ILDR1: variants seen among roughly 807,000 people sequenced by gnomAD.
The protein encoded by ILDR1 is immunoglobulin-like domain-containing receptor 1.
In ILDR1, 56 loss-of-function variants were observed where a neutral mutation model predicts 62.4. The observed-to-expected ratio is 0.90, with a 90% CI of 0.72 to 1.12. The LOEUF (loss-of-function observed/expected upper bound fraction) is 1.12, where lower values mean the gene tolerates loss of function less well. ILDR1 is among the 50% of genes most tolerant of loss of function. The pLI, the probability that ILDR1 is intolerant of heterozygous loss-of-function variation, is 0.00. For synonymous variants in ILDR1, 284 were observed against 277.8 expected (o/e 1.02, Z -0.22); for missense variants, 736 against 710.6 (o/e 1.04, Z -0.41).
chr3:122,047,249 A>G, the ILDR1 span, among the ~76,000 whole-genome samples: 9 of 151,764 alleles, frequency 5.9e-5, no homozygotes, highest in African/African-American at 2.2e-4. Flanking sequence ...GGGGTCAGGG[A>G]CCCACTTGAG....
the ILDR1 span, chr3:122,055,484 G>A: frequency 6.2e-7 from 1 of 1,614,052 alleles, no homozygotes; most frequent in African/African-American, 1.3e-5. Context: ...AGCAGAAGCA[G>A]CCAAAATGGA....
At chr3:122,001,970 CA>C (rs2071534766) in intron 3 of ILDR1, 106 bp from the exon 4 acceptor site, 2 of 1,305,072 alleles carry the variant, frequency 1.5e-6, no homozygotes, top group Non-Finnish European at 1.1e-6. Context: ...CTTGTATTTA[CA>C]AAAAATAATA....
intron 5 of ILDR1, among the ~76,000 whole-genome samples, chr3:122,001,000 C>T (rs2071515412): frequency 6.6e-6 from 1 of 152,154 alleles, no homozygotes; most frequent in Admixed American, 6.5e-5. Flanking sequence ...TAAATGAGGT[C>T]AGTGCTAGGA....
At chr3:122,028,247 A>C in the ILDR1 span, among the ~76,000 whole-genome samples, 1 of 150,960 alleles carries the variant, frequency 6.6e-6, no homozygotes, top group Non-Finnish European at 1.5e-5. Context: ...GAGGCAGGAG[A>C]ATGGCGTGAA....
chr3:122,029,795 A>G, the ILDR1 span, among the ~76,000 whole-genome samples: 2 of 152,172 alleles, frequency 1.3e-5, no homozygotes, highest in African/African-American at 4.8e-5. Context: ...ACCTTTTACT[A>G]TAGAATTAAA....
chr3:121,992,946 A>G (rs2071371576), intron 7 of ILDR1, among the ~76,000 whole-genome samples: 1 of 151,952 alleles, frequency 6.6e-6, no homozygotes. Flanking sequence ...CAGGCAGCGA[A>G]CTCTCCCCTG....
chr3:122,055,347 G>T, the ILDR1 span: 6 of 709,368 alleles, frequency 8.5e-6, no homozygotes, highest in Non-Finnish European at 1.5e-5. Context: ...AAGAAAGTTA[G>T]CTGGGTAGGT....
chr3:122,009,548 C>T (rs2071672169), intron 1 of ILDR1, among the ~76,000 whole-genome samples: 1 of 152,208 alleles, frequency 6.6e-6, no homozygotes, highest in African/African-American at 2.4e-5. Flanking sequence ...GGCATGAAGC[C>T]TTGCACATAC....
chr3:122,009,024 C>T (rs2071662538), intron 1 of ILDR1, among the ~76,000 whole-genome samples: 2 of 151,784 alleles, frequency 1.3e-5, no homozygotes, highest in Non-Finnish European at 2.9e-5. Context: ...ACGTTGACCT[C>T]CTGGGTTCAA....
At chr3:122,049,954 C>T in the ILDR1 span, among the ~76,000 whole-genome samples, 4 of 152,228 alleles carry the variant, frequency 2.6e-5, no homozygotes, top group Non-Finnish European at 5.9e-5. Flanking sequence ...GAACCTTTGA[C>T]TTCCCAATCT....
chr3:122,029,504 TAA>T, the ILDR1 span, among the ~76,000 whole-genome samples: 82 of 138,508 alleles, frequency 5.9e-4, 1 homozygote, highest in Non-Finnish European at 1.0e-3. Context: ...ACACTCCGTC[TAA>T]AAAAAATATA....
intron 2 of ILDR1, 67 bp from the exon 3 acceptor site, chr3:122,005,460 C>T: frequency 6.3e-7 from 1 of 1,577,432 alleles, no homozygotes; most frequent in Admixed American, 1.7e-5. Context: ...AGGTTCCCTT[C>T]CTGCTCCGGG....
upstream of ILDR1, among the ~76,000 whole-genome samples, chr3:122,026,980 T>C (rs1428709618): frequency 1.3e-5 from 2 of 152,118 alleles, no homozygotes; most frequent in South Asian, 4.1e-4. Flanking sequence ...TATATTAATG[T>C]CACTGACATT....
intron 7 of ILDR1, among the ~76,000 whole-genome samples, chr3:121,990,655 C>T (rs1224521308): frequency 6.6e-6 from 1 of 152,082 alleles, no homozygotes; most frequent in Non-Finnish European, 1.5e-5. Flanking sequence ...TGCAGTGGTG[C>T]AATCATGGCT....
At chr3:122,041,455 C>T in the ILDR1 span, among the ~76,000 whole-genome samples, 2 of 152,116 alleles carry the variant, frequency 1.3e-5, no homozygotes, top group Admixed American at 6.6e-5. Flanking sequence ...GACTTCCCAG[C>T]ATGTGAAGCC....
chr3:122,011,654 TTCTC>T lies in ILDR1; in HGVS notation c.59-4497_59-4494del, dbSNP rs142396206. Among the ~76,000 whole-genome samples the T allele has an allele frequency of 1.4e-3, 96 of 67,606 alleles. No homozygotes were observed. In the South Asian group the frequency reaches 0.028, roughly 19 times the overall value. The allele number at this position is 67,606 out of a possible 152,430, so 44.4% of individuals were successfully genotyped here. A position where few individuals can be genotyped will look rare whatever the true frequency, so the allele number is the denominator to read the frequency against. On this transcript the variant is annotated intron_variant, in intron 1 of 7. Transcript: ENST00000344209. ...CGTCCACCCCCTGCCCTGTCTCTCTTTCTCTCTCTCTCTCTCTCTCTTTCACACA... is the reference window on the plus strand; with the variant it reads ...CGTCCACCCCCTGCCCTGTCTCTCTTTCTCTCTCTCTCTCTCTTTCACACA...
chr3:122,044,674 A>G, the ILDR1 span, among the ~76,000 whole-genome samples: 3 of 150,810 alleles, frequency 2.0e-5, no homozygotes, highest in Non-Finnish European at 4.5e-5. Flanking sequence ...GAATTTATCC[A>G]TTTCTTCTAG....
the ILDR1 span, among the ~76,000 whole-genome samples, chr3:122,044,559 G>A: frequency 4.6e-5 from 7 of 150,978 alleles, no homozygotes; most frequent in African/African-American, 1.7e-4. Context: ...GACTCTTTTT[G>A]GTTGGTAAAC....
chr3:122,022,912 C>A (rs534958063), upstream of ILDR1, among the ~76,000 whole-genome samples: 184 of 112,102 alleles, frequency 1.6e-3, 1 homozygote, highest in African/African-American at 6.8e-3. Flanking sequence ...AACTCGGTCT[C>A]GAAAATAAAT....
Sources: gnomAD v4.1 joint callset for allele counts (sites outside exome capture counted in the v4.1 genomes callset) on GRCh38, gnomAD v4.1.1 for gene constraint, MANE v1.5 for transcripts, NCBI Gene and HGNC (gene_info 2026-07-23, HGNC 2026-07-21) for gene names.